LMNA: variants seen among roughly 807,000 people sequenced by gnomAD.
LMNA encodes lamin.
A neutral mutation model predicts 70.4 loss-of-function variants in LMNA; 20 were observed. That is an observed-to-expected ratio of 0.28 (90% confidence interval 0.20 to 0.41). The LOEUF (loss-of-function observed/expected upper bound fraction) is 0.41, where lower values mean the gene tolerates loss of function less well. Ranked by LOEUF, LMNA falls within the 10% of genes least tolerant of loss-of-function variation. The probability of loss-of-function intolerance (pLI) is 1.00; values close to 1 mark genes in which losing one functional copy is unlikely to be tolerated. For synonymous variants in LMNA, 339 were observed against 372.8 expected (o/e 0.91, Z 1.04); for missense variants, 652 against 917.2 (o/e 0.71, Z 3.73).
chr1:156,139,058 T>TC (rs758976425), intron 11 of LMNA, 22 bp from the exon 12 acceptor site: 1 of 1,613,412 alleles, frequency 6.2e-7, no homozygotes, highest in African/African-American at 1.3e-5. Flanking sequence ...CTCACACCTC[T>TC]CTCCTCTGTT....
chr1:156,135,129 G>A lies in LMNA; in HGVS notation c.811-58G>A. 6.2e-7 allele frequency: 1 copy of A among 1,613,324 alleles called. No individual in the cohort carries two copies. Among genetic ancestry groups the A allele is most frequent in the Non-Finnish European group, 8.5e-7 (1 of 1,179,680 alleles). ...GCTGTAGCAGTGATGCCCAACTCAG[G>A]CCTGTGCCTCCACCCCTCCCAGTCA... On this transcript the variant is annotated intron_variant, in intron 4 of 11. Coordinates refer to ENST00000368300, the MANE Select transcript of LMNA (RefSeq NM_170707.4). This position sits in a 1 kb window ranked among gnomAD's most constrained non-coding sequence, Gnocchi z 4.8.
At position 156,136,502 on chromosome 1, in the gene LMNA, A is replaced by G; in HGVS notation, c.1380+66A>G. ...AGGGAGAGAGTGGCAAGACAGAAGG[A>G]TGGCATGTGGAGAGAGGAACATCCT... On this transcript the variant is annotated intron_variant, in intron 7 of 11. Coordinates refer to ENST00000368300, the MANE Select transcript of LMNA (RefSeq NM_170707.4). This position sits in a 1 kb window ranked among gnomAD's most constrained non-coding sequence, Gnocchi z 6.1. 1 of 1,458,584 alleles carries G rather than the reference A, an allele frequency of 6.9e-7. No homozygotes were observed. The highest frequency in any genetic ancestry group is 2.5e-5 in the East Asian group (1 of 40,628). 90.4% of individuals were successfully genotyped at this position (1,458,584 alleles called of 1,614,324 possible). A position where few individuals can be genotyped will look rare whatever the true frequency, so the allele number is the denominator to read the frequency against.
At chr1:156,098,572 G>T (rs1649029859) in intron 3 of LMNA, among the ~76,000 whole-genome samples, 1 of 152,188 alleles carries the variant, frequency 6.6e-6, no homozygotes, top group African/African-American at 2.4e-5. Context: ...TATGTTAGGG[G>T]TACAAGATCT....
chr1:156,101,085 C>A (rs1423394029), intron 3 of LMNA, among the ~76,000 whole-genome samples: 3 of 151,952 alleles, frequency 2.0e-5, no homozygotes, highest in African/African-American at 7.3e-5. Context: ...GCCTAGGTCT[C>A]GGAGGGCATT....
chr1:156,132,909 A>T (rs1241117521), intron 2 of LMNA, among the ~76,000 whole-genome samples: 1 of 140,670 alleles, frequency 7.1e-6, no homozygotes, highest in African/African-American at 2.7e-5. Context: ...GCACGATCTC[A>T]GCTCACTGCA....
intron 2 of LMNA, among the ~76,000 whole-genome samples, chr1:156,086,056 A>G (rs139721466): frequency 2.5e-3 from 387 of 152,330 alleles, no homozygotes; most frequent in Middle Eastern, 0.014. Context: ...GTCTCAAAAA[A>G]TAAAATAAAA....
At chr1:156,117,875 C>T (rs543587936) in intron 1 of LMNA, among the ~76,000 whole-genome samples, 2 of 151,824 alleles carry the variant, frequency 1.3e-5, no homozygotes, top group Admixed American at 1.3e-4. Context: ...TCATAACTTG[C>T]TGCAGCCTGG....
chr1:156,114,831 G>A lies in LMNA; in HGVS notation c.-88G>A, dbSNP rs115800510. 3 of 929,776 alleles carry A rather than the reference G, an allele frequency of 3.2e-6. No individual in the cohort carries two copies. Among genetic ancestry groups the A allele is most frequent in the Non-Finnish European group, 4.7e-6 (3 of 642,514 alleles). The allele number at this position is 929,776 out of a possible 1,614,324, so 57.6% of individuals were successfully genotyped here. A position where few individuals can be genotyped will look rare whatever the true frequency, so the allele number is the denominator to read the frequency against. On this transcript the variant is annotated 5_prime_UTR_variant, in exon 1 of 12. Coordinates refer to ENST00000368300, the MANE Select transcript of LMNA (RefSeq NM_170707.4). ...GAGAGCCAGCCGGCCGGCGCACTCC[G>A]ACTCCGAGCAGTCTCTGTCCTTCGA...
At chr1:156,104,010 C>G (rs1045681277) in intron 3 of LMNA, among the ~76,000 whole-genome samples, 2 of 152,184 alleles carry the variant, frequency 1.3e-5, no homozygotes. Context: ...CTTGGCTCCC[C>G]CCTTCACAGC....
intron 1 of LMNA, among the ~76,000 whole-genome samples, chr1:156,121,071 T>TG (rs1491392849): frequency 2.1e-5 from 3 of 141,176 alleles, no homozygotes; most frequent in Non-Finnish European, 3.0e-5. Flanking sequence ...TTTTTTTTTT[T>TG]GACAGTCTCG....
intron 2 of LMNA, among the ~76,000 whole-genome samples, chr1:156,132,685 G>A (rs10159320): frequency 0.21 from 32,117 of 151,720 alleles, 7,113 homozygotes; most frequent in African/African-American, 0.57. Flanking sequence ...GTTGACCACC[G>A]AACCAAGGCT....
At chr1:156,109,768 C>T (rs183258318), upstream of LMNA, 1 of 150,510 alleles carries the variant, frequency 6.6e-6, no homozygotes, top group Admixed American at 6.6e-5. Flanking sequence ...ACTGTGTGAG[C>T]ATTATTCTGC....
chr1:156,082,835 G>T (rs566001888), intron 1 of LMNA: 1 of 152,342 alleles, frequency 6.6e-6, no homozygotes, highest in African/African-American at 2.4e-5. Context: ...GGCCGGGGCC[G>T]GGGGCGGGGA....
At chr1:156,087,184 CT>C (rs1648510286) in intron 2 of LMNA, among the ~76,000 whole-genome samples, 1 of 152,108 alleles carries the variant, frequency 6.6e-6, no homozygotes, top group Admixed American at 6.6e-5. Flanking sequence ...TCTATCTGTC[CT>C]AGTTAGCTGA....
At chr1:156,133,339 A>G (rs1651244892) in intron 2 of LMNA, among the ~76,000 whole-genome samples, 1 of 151,688 alleles carries the variant, frequency 6.6e-6, no homozygotes, top group South Asian at 2.1e-4. Flanking sequence ...TTGGGAGGCC[A>G]AGGTGGGCAG....
In LMNA at chr1:156,126,898, G is replaced by A. The variant is rs764158740; in HGVS notation, c.357-3719G>A. On this transcript the variant is annotated intron_variant, in intron 1 of 11. Coordinates refer to ENST00000368300, the MANE Select transcript of LMNA (RefSeq NM_170707.4). ...ACCCGGCCTGGGGCAGGACACGGGC[G>A]AAGCCAGGGTCTCCCCTGTGAGCAC... 3.2e-5 allele frequency: 51 copies of A among 1,607,486 alleles called. No homozygotes were observed. Among genetic ancestry groups the A allele is most frequent in the Middle Eastern group, 1.6e-4 (1 of 6,074 alleles).
At chr1:156,106,639 C>A (rs948342093) in intron 3 of LMNA, 1 of 51,506 alleles carries the variant, frequency 1.9e-5, no homozygotes, top group East Asian at 1.8e-3. Context: ...GTCCCCACCC[C>A]CCCACGCCTC....
intron 1 of LMNA, among the ~76,000 whole-genome samples, chr1:156,119,531 A>T (rs1650053307): frequency 6.6e-6 from 1 of 152,206 alleles, no homozygotes; most frequent in Non-Finnish European, 1.5e-5. Context: ...AAGTGCTGGG[A>T]TGTATAGGCA....
intron 3 of LMNA, among the ~76,000 whole-genome samples, chr1:156,108,109 T>C (rs1472131768): frequency 6.6e-6 from 1 of 152,164 alleles, no homozygotes; most frequent in Non-Finnish European, 1.5e-5. Context: ...TAATAATACC[T>C]ACCTCATAAG....
Sources: gnomAD v4.1 joint callset for allele counts (sites outside exome capture counted in the v4.1 genomes callset) on GRCh38, gnomAD v4.1.1 for gene constraint, Gnocchi (gnomAD v3.1) non-coding constraint, MANE v1.5 for transcripts, NCBI Gene and HGNC (gene_info 2026-07-23, HGNC 2026-07-21) for gene names.